ANXA3: variants seen among roughly 807,000 people sequenced by gnomAD.
ANXA3 encodes the protein annexin A3.
A neutral mutation model predicts 48.8 loss-of-function variants in ANXA3; 46 were observed. The observed-to-expected ratio is 0.94, with a 90% CI of 0.74 to 1.21. ANXA3 has a LOEUF of 1.21. Among genes scored for constraint, ANXA3 ranks in the 50% most tolerant of loss-of-function variants. The pLI, the probability that ANXA3 is intolerant of heterozygous loss-of-function variation, is 0.00. For synonymous variants in ANXA3, 128 were observed against 134.7 expected (o/e 0.95, Z 0.35); for missense variants, 383 against 378.6 (o/e 1.01, Z -0.10).
At chr4:78,553,227 C>T (rs1236451184) in intron 1 of ANXA3, among the ~76,000 whole-genome samples, 1 of 152,174 alleles carries the variant, frequency 6.6e-6, no homozygotes, top group Non-Finnish European at 1.5e-5. Context: ...GACTGTGGGA[C>T]ATTACCATAC....
At chr4:78,570,162 A>G (rs542374175) in intron 2 of ANXA3, among the ~76,000 whole-genome samples, 215 of 152,250 alleles carry the variant, frequency 1.4e-3, no homozygotes, top group African/African-American at 4.9e-3. Flanking sequence ...CCCTTTTTCA[A>G]GTTGGGGTGT....
chr4:78,582,865 A>T (rs187299393), intron 5 of ANXA3, among the ~76,000 whole-genome samples: 13 of 152,318 alleles, frequency 8.5e-5, no homozygotes, highest in Non-Finnish European at 1.9e-4. Context: ...AGATTATGCT[A>T]CTTACCTGCA....
chr4:78,553,324 C>T (rs1421044362), intron 1 of ANXA3, among the ~76,000 whole-genome samples: 1 of 152,168 alleles, frequency 6.6e-6, no homozygotes, highest in East Asian at 1.9e-4. Flanking sequence ...TTAAATCATT[C>T]ATTTAATCAA....
In ANXA3 at chr4:78,554,607, C is replaced by T. The variant is rs778385750; in HGVS notation, c.15+119C>T. The T allele has an allele frequency of 2.2e-4, 185 of 834,642 alleles. No individual in the cohort carries two copies. The Middle Eastern group carries it at 3.2e-3, about 14-fold the overall frequency. 51.7% of individuals were successfully genotyped at this position (834,642 alleles called of 1,614,324 possible). A position where few individuals can be genotyped will look rare whatever the true frequency, so the allele number is the denominator to read the frequency against. ...TTTTAAGTTTATCTGGCAAAATTAA[C>T]ATGCTAGAAAAGCCAGAGGATGTCA... On this transcript the variant is annotated intron_variant, in intron 2 of 12. Transcript: ENST00000264908.
At chr4:78,601,084 C>A (rs909689076) in intron 10 of ANXA3, among the ~76,000 whole-genome samples, 1 of 152,102 alleles carries the variant, frequency 6.6e-6, no homozygotes, top group Non-Finnish European at 1.5e-5. Flanking sequence ...AGTGCCCCTG[C>A]GTGCCTAATG....
At chr4:78,552,652 A>G (rs1022008005) in intron 1 of ANXA3, among the ~76,000 whole-genome samples, 1 of 152,198 alleles carries the variant, frequency 6.6e-6, no homozygotes, top group Non-Finnish European at 1.5e-5. Context: ...ACGAAATTGC[A>G]TAGCCCAGGC....
At chr4:78,599,934 G>A (rs1430142232) in intron 10 of ANXA3, among the ~76,000 whole-genome samples, 2 of 151,736 alleles carry the variant, frequency 1.3e-5, no homozygotes, top group Non-Finnish European at 2.9e-5. Context: ...TCTAAAAGAT[G>A]GGGAAAAATG....
chr4:78,559,834 G>A (rs546351474), intron 2 of ANXA3, among the ~76,000 whole-genome samples: 17 of 152,228 alleles, frequency 1.1e-4, no homozygotes, highest in Non-Finnish European at 2.5e-4. Flanking sequence ...CATTAAGCCA[G>A]TTCATGTAAA....
intron 12 of ANXA3, among the ~76,000 whole-genome samples, chr4:78,609,578 C>T (rs7675646): frequency 0.55 from 83,595 of 152,018 alleles, 23,665 homozygotes; most frequent in East Asian, 0.65. Flanking sequence ...GTCACTTATT[C>T]TCGATAAGAT....
At chr4:78,591,742 G>T (rs1284808189) in intron 7 of ANXA3, 119 bp downstream of exon 7, 2 of 698,988 alleles carry the variant, frequency 2.9e-6, no homozygotes, top group Admixed American at 2.6e-5. Flanking sequence ...CTTATGAAAT[G>T]GTTTGTTCAT....
At chr4:78,600,908 A>G (rs1050721183) in intron 10 of ANXA3, among the ~76,000 whole-genome samples, 1 of 151,714 alleles carries the variant, frequency 6.6e-6, no homozygotes, top group Non-Finnish European at 1.5e-5. Flanking sequence ...TTTACTTGTT[A>G]TTTCAAAATA....
chr4:78,578,049 C>T (rs868751323), intron 3 of ANXA3, among the ~76,000 whole-genome samples: 1 of 151,600 alleles, frequency 6.6e-6, no homozygotes, highest in South Asian at 2.1e-4. Flanking sequence ...AAGGCTGAGG[C>T]GGGTGGATCA....
chr4:78,602,483 A>C (rs865973678), intron 11 of ANXA3: 11 of 152,192 alleles, frequency 7.2e-5, no homozygotes, highest in African/African-American at 2.7e-4. Context: ...CCAAACCTCA[A>C]GCTTGAGACC....
At chr4:78,586,144 T>C (rs895511053) in intron 5 of ANXA3, 116 bp from the exon 6 acceptor site, 4 of 606,552 alleles carry the variant, frequency 6.6e-6, no homozygotes, top group African/African-American at 1.9e-5. Context: ...TAGAGAACCT[T>C]GTATTGATTT....
At position 78,608,246 on chromosome 4, in the gene ANXA3, G is replaced by A. The variant is rs547066420; in HGVS notation, c.913-1810G>A. ...TAGTAGGACTTGACTTAGAGGAAAG[G>A]CTTCTATGAGAAAGTCATGATTCAG... On this transcript the variant is annotated intron_variant, in intron 12 of 12. Coordinates refer to ENST00000264908, the MANE Select transcript of ANXA3 (RefSeq NM_005139.3). 2.4e-4 allele frequency among the ~76,000 whole-genome samples: 36 copies of A among 152,218 alleles called. No individual in the cohort carries two copies. In the South Asian group the frequency reaches 3.7e-3, roughly 16 times the overall value.
At chr4:78,558,676 C>T (rs1318470188) in intron 2 of ANXA3, among the ~76,000 whole-genome samples, 1 of 152,226 alleles carries the variant, frequency 6.6e-6, no homozygotes, top group Admixed American at 6.5e-5. Flanking sequence ...GATGAATCAA[C>T]AATCTATGTT....
chr4:78,596,988 TA>T, intron 9 of ANXA3: 1 of 211,386 alleles, frequency 4.7e-6, no homozygotes, highest in South Asian at 7.4e-5. Flanking sequence ...GGTGCTGCTA[TA>T]AATAAAATTT....
At chr4:78,605,399 G>A (rs1445858281) in intron 12 of ANXA3, among the ~76,000 whole-genome samples, 1 of 152,128 alleles carries the variant, frequency 6.6e-6, no homozygotes, top group East Asian at 1.9e-4. Context: ...AATAACATTT[G>A]TATTTCTCTT....
Position 78,587,818 on chromosome 4 carries a change from G to A in ANXA3, c.403+1468G>A, listed in dbSNP as rs72659072. Reference sequence around the variant, plus strand: ...TATAAAGAACTGCTTAAAGGGCCGGGTGCGGTGACTCACGCCTGTAATCAC... The same window carrying A: ...TATAAAGAACTGCTTAAAGGGCCGGATGCGGTGACTCACGCCTGTAATCAC... On this transcript the variant is annotated intron_variant, in intron 6 of 12. Transcript: ENST00000264908. 8.8e-3 allele frequency among the ~76,000 whole-genome samples: 1,347 copies of A among 152,320 alleles called. 7 individuals carry two copies. The highest frequency in any genetic ancestry group is 0.013 in the Non-Finnish European group (900 of 68,040).
Sources: gnomAD v4.1 joint callset for allele counts (sites outside exome capture counted in the v4.1 genomes callset) on GRCh38, gnomAD v4.1.1 for gene constraint, MANE v1.5 for transcripts, NCBI Gene and HGNC (gene_info 2026-07-23, HGNC 2026-07-21) for gene names.